Variants in SCFD1 observed in about 807,000 individuals in gnomAD.
SCFD1 encodes the protein sec1 family domain-containing protein 1.
Under a neutral mutation model 103.2 loss-of-function variants are expected in SCFD1, and 37 were observed. That is an observed-to-expected ratio of 0.36 (90% CI 0.28 to 0.47). The LOEUF is 0.47. Among genes scored for constraint, SCFD1 ranks in the 20% least tolerant of loss-of-function variants. The probability of loss-of-function intolerance (pLI) is 1.00; values close to 1 mark genes in which losing one functional copy is unlikely to be tolerated. For synonymous variants in SCFD1, 264 were observed against 245.0 expected (o/e 1.08, Z -0.73); for missense variants, 639 against 761.2 (o/e 0.84, Z 1.89).
intron 11 of SCFD1, among the ~76,000 whole-genome samples, chr14:30,670,747 T>G (rs576296251): frequency 6.6e-6 from 1 of 152,226 alleles, no homozygotes; most frequent in South Asian, 2.1e-4. Context: ...TTTTCCTTTT[T>G]GTTACATGTT....
chr14:30,642,583 T>G (rs187149644), intron 6 of SCFD1, among the ~76,000 whole-genome samples: 85 of 152,322 alleles, frequency 5.6e-4, no homozygotes, highest in Non-Finnish European at 9.8e-4. Flanking sequence ...TATAACTTAA[T>G]ATAAAGAAAA....
chr14:30,696,499 T>C (rs1447925828), intron 15 of SCFD1, among the ~76,000 whole-genome samples: 2 of 152,194 alleles, frequency 1.3e-5, no homozygotes, highest in Non-Finnish European at 2.9e-5. Flanking sequence ...TAGAGCAAGG[T>C]AGGCATTCTT....
At chr14:30,652,148 A>C (rs1886452725) in intron 9 of SCFD1, among the ~76,000 whole-genome samples, 1 of 152,182 alleles carries the variant, frequency 6.6e-6, no homozygotes, top group South Asian at 2.1e-4. Flanking sequence ...CCACTGTCCT[A>C]TACCCAGAAG....
intron 20 of SCFD1, among the ~76,000 whole-genome samples, chr14:30,718,036 A>T (rs1474086284): frequency 1.3e-5 from 2 of 152,220 alleles, no homozygotes; most frequent in Non-Finnish European, 2.9e-5. Context: ...CACACAGCTA[A>T]TAAATGTCAA....
intron 7 of SCFD1, chr14:30,643,798 A>G (rs888858334): frequency 6.4e-6 from 2 of 311,616 alleles, no homozygotes; most frequent in South Asian, 6.0e-5. Flanking sequence ...AGGCTCCAGA[A>G]AACATTATGT....
At chr14:30,680,440 G>A (rs1889383064) in intron 14 of SCFD1, among the ~76,000 whole-genome samples, 1 of 152,112 alleles carries the variant, frequency 6.6e-6, no homozygotes, top group Non-Finnish European at 1.5e-5. Context: ...CAGAGGAGCT[G>A]AATCTCAGAA....
intron 23 of SCFD1, among the ~76,000 whole-genome samples, chr14:30,732,237 A>C (rs1893526984): frequency 6.6e-6 from 1 of 152,152 alleles, no homozygotes; most frequent in Non-Finnish European, 1.5e-5. Flanking sequence ...TTCTATATAC[A>C]AGATCATGTT....
chr14:30,717,540 AAAT>A (rs1224815661), intron 20 of SCFD1, among the ~76,000 whole-genome samples: 1 of 152,132 alleles, frequency 6.6e-6, no homozygotes, highest in East Asian at 1.9e-4. Context: ...TTGAGATGAA[AAAT>A]AATGACAGTA....
chr14:30,622,318 C>A, upstream of SCFD1: 1 of 1,589,420 alleles, frequency 6.3e-7, no homozygotes. Context: ...CCCAGCCGGG[C>A]AGTGGCTCGT....
intron 7 of SCFD1, among the ~76,000 whole-genome samples, chr14:30,648,777 T>C (rs908927883): frequency 3.9e-5 from 6 of 152,078 alleles, no homozygotes; most frequent in African/African-American, 1.4e-4. Flanking sequence ...CACACCACCA[T>C]GCCCAGCAAA....
chr14:30,701,329 A>C, intron 16 of SCFD1, among the ~76,000 whole-genome samples: 1 of 152,128 alleles, frequency 6.6e-6, no homozygotes. Context: ...CCAAGGTGGG[A>C]AGATCACCTG....
intron 10 of SCFD1, among the ~76,000 whole-genome samples, chr14:30,666,700 T>TA (rs1708516370): frequency 6.6e-6 from 1 of 151,874 alleles, no homozygotes; most frequent in African/African-American, 2.4e-5. Flanking sequence ...ATAGACGCAA[T>TA]AAAAAATGAT....
At chr14:30,717,075 A>G (rs1377408625) in intron 20 of SCFD1, among the ~76,000 whole-genome samples, 2 of 152,232 alleles carry the variant, frequency 1.3e-5, no homozygotes, top group African/African-American at 4.8e-5. Flanking sequence ...ACTGCTTCCT[A>G]ATAGGCAATA....
chr14:30,704,497 AG>A (rs1376866427), intron 17 of SCFD1, among the ~76,000 whole-genome samples: 3 of 152,292 alleles, frequency 2.0e-5, no homozygotes, highest in Admixed American at 1.3e-4. Context: ...TTTGTTGTTT[AG>A]ATATTGTTTC....
At chr14:30,715,529 C>G (rs1243305071) in intron 19 of SCFD1, 1 of 153,826 alleles carries the variant, frequency 6.5e-6, no homozygotes, top group East Asian at 1.9e-4. Flanking sequence ...TGAGATTGCG[C>G]CACTGCACTC....
intron 23 of SCFD1, 95 bp from the exon 24 acceptor site, chr14:30,734,695 A>G: frequency 1.0e-6 from 1 of 958,692 alleles, no homozygotes; most frequent in Non-Finnish European, 1.7e-6. Context: ...GACTGTTAAG[A>G]ATAACAAAAA....
At chr14:30,732,359 TTCTC>T (rs1277290045) in intron 23 of SCFD1, among the ~76,000 whole-genome samples, 4 of 152,232 alleles carry the variant, frequency 2.6e-5, no homozygotes, top group Admixed American at 1.3e-4. Context: ...CTTGTCTTCT[TTCTC>T]ATCATACGGG....
chr14:30,675,498 A>T (rs1270137780), intron 14 of SCFD1, among the ~76,000 whole-genome samples: 1 of 152,174 alleles, frequency 6.6e-6, no homozygotes, highest in African/African-American at 2.4e-5. Flanking sequence ...GTTAACATTG[A>T]AGCTTCTTAC....
At chr14:30,709,355 T>C (rs1203402575) in intron 19 of SCFD1, among the ~76,000 whole-genome samples, 1 of 152,144 alleles carries the variant, frequency 6.6e-6, no homozygotes, top group African/African-American at 2.4e-5. Context: ...TGGAGTGCAG[T>C]GATGCTAGCT....
Sources: allele counts gnomAD v4.1 joint callset (sites outside exome capture counted in the v4.1 genomes callset), GRCh38; gene constraint gnomAD v4.1.1; transcripts MANE v1.5; gene names NCBI Gene and HGNC (gene_info 2026-07-23, HGNC 2026-07-21).